DENND1A: variants seen among roughly 807,000 people sequenced by gnomAD.
DENND1A encodes DENN domain containing 1A, also known as DENN domain-containing protein 1A.
DENND1A carries 51 observed loss-of-function variants against 113.7 expected under a neutral mutation model. The observed-to-expected ratio is 0.45, with a 90% CI of 0.36 to 0.57. The LOEUF (loss-of-function observed/expected upper bound fraction) is 0.57, where lower values mean the gene tolerates loss of function less well. Among genes scored for constraint, DENND1A ranks in the 20% least tolerant of loss-of-function variants. The probability of loss-of-function intolerance (pLI) is 0.00; values close to 1 mark genes in which losing one functional copy is unlikely to be tolerated. For missense variants in DENND1A, 1,258 were observed against 1,395.9 expected (o/e 0.90, Z 1.57); for synonymous variants, 565 against 570.8 (o/e 0.99, Z 0.14).
At chr9:123,695,112 C>T (rs1304344820) in intron 5 of DENND1A, among the ~76,000 whole-genome samples, 2 of 152,076 alleles carry the variant, frequency 1.3e-5, no homozygotes, top group African/African-American at 4.8e-5. Flanking sequence ...CCAAGTTCTT[C>T]AGTTTTGGGA....
chr9:123,528,168 G>A (rs2055000888), intron 13 of DENND1A, among the ~76,000 whole-genome samples: 1 of 152,204 alleles, frequency 6.6e-6, no homozygotes, highest in Non-Finnish European at 1.5e-5. Context: ...CAGGAGTCAT[G>A]AACTCAATAT....
chr9:123,390,515 C>T (rs1272404431), intron 21 of DENND1A, among the ~76,000 whole-genome samples: 1 of 152,216 alleles, frequency 6.6e-6, no homozygotes, highest in Non-Finnish European at 1.5e-5. Flanking sequence ...TTCTACCCCT[C>T]ACAAGAGCCT....
chr9:123,848,228 T>TAAAAAAAAAAAAAAAAAAAAAAAAAA (rs375535777), intron 2 of DENND1A, among the ~76,000 whole-genome samples: 1 of 60,498 alleles, frequency 1.7e-5, no homozygotes, highest in African/African-American at 7.2e-5. Context: ...GATACTGCTT[T>TAAAAAAAAAAAAAAAAAAAAAAAAAA]AAAAAAAAAA....
At chr9:123,886,387 C>T (rs780439677) in intron 1 of DENND1A, among the ~76,000 whole-genome samples, 1 of 152,168 alleles carries the variant, frequency 6.6e-6, no homozygotes, top group Non-Finnish European at 1.5e-5. Flanking sequence ...TTTAGAGCTA[C>T]AGACCTGAAA....
rs780323106 is a variant in DENND1A at position 123,792,626 on chromosome 9, A to C, written c.93T>G (p.Pro31=). ...CCTCCGGGAATTGCCTCTGCACCTC[A>C]GGATCTGTAAATAATTGACAGATAA... ...YPRTGGTLSD[P]EVQRQFPEDY... The change falls in exon 3 of 24, where the codon CCT becomes CCG. Residue 31 remains proline, a synonymous_variant. Transcript: ENST00000394215. 2 of 1,613,092 alleles carry C rather than the reference A, an allele frequency of 1.2e-6. No individual in the cohort carries two copies. Among genetic ancestry groups the C allele is most frequent in the Non-Finnish European group, 1.7e-6 (2 of 1,179,428 alleles).
At position 123,414,409 on chromosome 9, in the gene DENND1A, C is replaced by G; in HGVS notation, c.1489-2580G>C. The G allele has an allele frequency of 6.3e-6, 9 of 1,439,038 alleles. No individual in the cohort carries two copies. The South Asian group carries it at 1.4e-4, about 22-fold the overall frequency. The allele number at this position is 1,439,038 out of a possible 1,614,324, so 89.1% of individuals were successfully genotyped here. Reference sequence around the variant, plus strand: ...AGAGAGGACTTAAAAAAATGTCCACCCAGTCTTGGCACTTGGCAGATGAAA... The same window carrying G: ...AGAGAGGACTTAAAAAAATGTCCACGCAGTCTTGGCACTTGGCAGATGAAA... On this transcript the variant is annotated intron_variant, in intron 19 of 23. Coordinates refer to ENST00000394215, the MANE Select transcript of DENND1A (RefSeq NM_001352964.2).
rs575288888 is a variant in DENND1A, at chr9:123,617,302, C to T, written c.720-7821G>A. ...ATGGCCTAGTTTCCATTTGTGGTTT[C>T]GACAGCAAGAGCACGGGGCCCTGCC... On this transcript the variant is annotated intron_variant, in intron 10 of 23. Transcript: ENST00000394215. Among the ~76,000 whole-genome samples the T allele has an allele frequency of 1.1e-4, 16 of 152,280 alleles. No homozygotes were observed. The East Asian group carries it at 2.5e-3, about 24-fold the overall frequency.
intron 5 of DENND1A, among the ~76,000 whole-genome samples, chr9:123,743,050 C>T (rs1451325698): frequency 6.6e-6 from 1 of 152,144 alleles, no homozygotes; most frequent in African/African-American, 2.4e-5. Context: ...ATGGGAATAA[C>T]TGCCTTGGAC....
At chr9:123,671,455 C>T in intron 6 of DENND1A, 84 bp from the exon 7 acceptor site, 1 of 1,321,118 alleles carries the variant, frequency 7.6e-7, no homozygotes, top group Non-Finnish European at 1.1e-6. Flanking sequence ...GCACACATGA[C>T]TGAGGGGGCT....
intron 2 of DENND1A, among the ~76,000 whole-genome samples, chr9:123,840,627 G>A (rs1841689949): frequency 6.6e-6 from 1 of 152,072 alleles, no homozygotes; most frequent in African/African-American, 2.4e-5. Context: ...TGTCCCCAAG[G>A]GCCTAGCACA....
At chr9:123,912,029 C>T (rs1398958367) in intron 1 of DENND1A, among the ~76,000 whole-genome samples, 6 of 152,026 alleles carry the variant, frequency 3.9e-5, no homozygotes, top group Non-Finnish European at 7.4e-5. Flanking sequence ...CTGGAAGGGG[C>T]ATGAAAAGCC....
At chr9:123,927,402 T>G in intron 1 of DENND1A, among the ~76,000 whole-genome samples, 1 of 152,200 alleles carries the variant, frequency 6.6e-6, no homozygotes, top group Non-Finnish European at 1.5e-5. Context: ...ACCTTAAACA[T>G]ACCTTTCTCT....
At chr9:123,493,709 CT>C (rs2051594170) in intron 13 of DENND1A, among the ~76,000 whole-genome samples, 1 of 152,122 alleles carries the variant, frequency 6.6e-6, no homozygotes, top group Admixed American at 6.6e-5. Context: ...CACTTTGCCC[CT>C]AGTGGTACCG....
At chr9:123,779,711 G>A (rs1830976457) in intron 3 of DENND1A, among the ~76,000 whole-genome samples, 3 of 152,002 alleles carry the variant, frequency 2.0e-5, no homozygotes, top group African/African-American at 7.3e-5. Flanking sequence ...TGTTGCTCAG[G>A]CTGACCTAGA....
rs184617878 is a variant in DENND1A at position 123,652,297 on chromosome 9, T to C, written c.508-174A>G. 2.8e-3 allele frequency: 1,600 copies of C among 568,756 alleles called. 12 individuals carry two copies. The highest frequency in any genetic ancestry group is 2.0e-3 in the Non-Finnish European group (655 of 323,080). The allele number at this position is 568,756 out of a possible 1,614,324, so 35.2% of individuals were successfully genotyped here. On this transcript the variant is annotated intron_variant, in intron 8 of 23. Transcript: ENST00000394215. ...CCCACATGTGTAAAATCATGAAGGG[T>C]AAAGTTGGAAGACACCTTACAGAGG...
intron 13 of DENND1A, among the ~76,000 whole-genome samples, chr9:123,484,397 C>T (rs1485858399): frequency 6.6e-6 from 1 of 152,184 alleles, no homozygotes; most frequent in Non-Finnish European, 1.5e-5. Context: ...CCAGACAGCC[C>T]TCTGGTACTG....
At position 123,863,920 on chromosome 9, in the gene DENND1A, GAT is replaced by G. The variant is rs1845439583; in HGVS notation, c.88+15029_88+15030del. 2.0e-5 allele frequency among the ~76,000 whole-genome samples: 3 copies of G among 150,310 alleles called. No individual in the cohort carries two copies. The South Asian group carries it at 6.3e-4, about 32-fold the overall frequency. ...GAAAAGTTTTAAATTAAATATATGA[GAT>G]TTTTTTTTTAAAGGACTGTTTCCAT... On this transcript the variant is annotated intron_variant, in intron 2 of 23. Coordinates refer to ENST00000394215, the MANE Select transcript of DENND1A (RefSeq NM_001352964.2).
intron 13 of DENND1A, among the ~76,000 whole-genome samples, chr9:123,470,124 G>A (rs1010458468): frequency 5.3e-5 from 8 of 152,142 alleles, no homozygotes; most frequent in African/African-American, 1.4e-4. Context: ...TCGGCTCTTG[G>A]AGCCTCTGTT....
At chr9:123,562,613 C>G (rs976665907) in intron 12 of DENND1A, among the ~76,000 whole-genome samples, 1 of 152,170 alleles carries the variant, frequency 6.6e-6, no homozygotes, top group East Asian at 1.9e-4. Flanking sequence ...TTTAACCATG[C>G]AAGGATGCTT....
Sources: allele counts gnomAD v4.1 joint callset (sites outside exome capture counted in the v4.1 genomes callset), GRCh38; gene constraint gnomAD v4.1.1; transcripts MANE v1.5; gene names NCBI Gene and HGNC (gene_info 2026-07-23, HGNC 2026-07-21).